RTN4R: variants seen among roughly 807,000 people sequenced by gnomAD.
RTN4R encodes the protein reticulon 4 receptor.
Under a neutral mutation model 27.7 loss-of-function variants are expected in RTN4R, and 4 were observed. That is an observed-to-expected ratio of 0.14 (90% CI 0.07 to 0.33). The LOEUF (loss-of-function observed/expected upper bound fraction) is 0.33, where lower values mean the gene tolerates loss of function less well. Among genes scored for constraint, RTN4R ranks in the 10% least tolerant of loss-of-function variants. The pLI, the probability that RTN4R is intolerant of heterozygous loss-of-function variation, is 1.00. For missense variants in RTN4R, 554 were observed against 671.5 expected (o/e 0.83, Z 1.93); for synonymous variants, 290 against 305.6 (o/e 0.95, Z 0.53).
At chr22:20,267,410 G>A (rs2051284366) in intron 1 of RTN4R, among the ~76,000 whole-genome samples, 1 of 152,186 alleles carries the variant, frequency 6.6e-6, no homozygotes. Flanking sequence ...GGAGTCCCAC[G>A]AGGGCTGCTA....
chr22:20,267,945 T>C (rs562065531), intron 1 of RTN4R, 126 bp downstream of exon 1: 129 of 503,674 alleles, frequency 2.6e-4, no homozygotes, highest in African/African-American at 2.3e-3. Context: ...TGGCTTTCCC[T>C]GCCGCCCGGC....
Position 20,241,507 on chromosome 22 carries a change from G to A in RTN4R, c.*204C>T, listed in dbSNP as rs2051105140. 3 of 601,606 alleles carry A rather than the reference G, an allele frequency of 5.0e-6. No individual in the cohort carries two copies. Among genetic ancestry groups the A allele is most frequent in the Non-Finnish European group, 8.9e-6 (3 of 337,900 alleles). The allele number at this position is 601,606 out of a possible 1,614,324, so 37.3% of individuals were successfully genotyped here. On this transcript the variant is annotated 3_prime_UTR_variant, in exon 2 of 2. Coordinates refer to ENST00000043402, the MANE Select transcript of RTN4R (RefSeq NM_023004.6). Reference sequence around the variant, plus strand: ...CTATATACCGCGATCTGGGTGGGAGGCGGCGTTCTGGAACAAACGCTGCCG... The same window carrying A: ...CTATATACCGCGATCTGGGTGGGAGACGGCGTTCTGGAACAAACGCTGCCG...
Position 20,241,710 on chromosome 22 carries a change from G to T in RTN4R, c.*1C>A, listed in dbSNP as rs1178578708. ...GAGCACGCTCTTGTGTCCGCTGGGGGTCAGCAGGGCCCAAGCACTGTCCAC... is the reference window on the plus strand; with the variant it reads ...GAGCACGCTCTTGTGTCCGCTGGGGTTCAGCAGGGCCCAAGCACTGTCCAC... On this transcript the variant is annotated 3_prime_UTR_variant, in exon 2 of 2. Coordinates refer to ENST00000043402, the MANE Select transcript of RTN4R (RefSeq NM_023004.6). 4 of 1,549,546 alleles carry T rather than the reference G, an allele frequency of 2.6e-6. No homozygotes were observed. In the Admixed American group the frequency reaches 7.8e-5, roughly 30 times the overall value.
Position 20,264,240 on chromosome 22 carries a change from T to C in RTN4R, c.22+3831A>G, listed in dbSNP as rs2051264487. 2.0e-5 allele frequency among the ~76,000 whole-genome samples: 3 copies of C among 152,306 alleles called. No individual in the cohort carries two copies. The South Asian group carries it at 6.2e-4, about 32-fold the overall frequency. On this transcript the variant is annotated intron_variant, in intron 1 of 1. Transcript: ENST00000043402. ...GCAGGTTTGGATAAATAAATGATGGTGCATTCTCAGGAAGGGATTCCACAC... is the reference window on the plus strand; with the variant it reads ...GCAGGTTTGGATAAATAAATGATGGCGCATTCTCAGGAAGGGATTCCACAC...
rs1478431874 is a variant in RTN4R at position 20,242,290 on chromosome 22, G to A, written c.843C>T (p.Ser281=). 1.9e-6 allele frequency: 3 copies of A among 1,602,338 alleles called. No individual in the cohort carries two copies. The highest frequency in any genetic ancestry group is 1.7e-5 in the Admixed American group (1 of 57,720). ...LWAWLQKFRG[S]SSEVPCSLPQ... The stretch of plus-strand genomic sequence containing the variant: ...GGAGGCTGCAGGGCACCTCGGAGGA[G>A]GAGCCGCGGAACTTCTGCAGCCAGG... Residue 281 remains serine, a synonymous_variant, in exon 2 of 2, where the codon TCC becomes TCT. Coordinates refer to ENST00000043402, the MANE Select transcript of RTN4R (RefSeq NM_023004.6).
At chr22:20,262,930 AG>A in intron 1 of RTN4R, among the ~76,000 whole-genome samples, 1 of 152,200 alleles carries the variant, frequency 6.6e-6, no homozygotes. Flanking sequence ...CAGGCAAGCA[AG>A]GGACAATCCA....
chr22:20,244,082 T>G (rs1250213009), intron 1 of RTN4R, among the ~76,000 whole-genome samples: 1 of 152,248 alleles, frequency 6.6e-6, no homozygotes, highest in African/African-American at 2.4e-5. Context: ...AGATTCTTTC[T>G]GCCTTCAGCA....
chr22:20,267,718 C>A (rs1436493571), intron 1 of RTN4R: 1 of 432,634 alleles, frequency 2.3e-6, no homozygotes, highest in Admixed American at 2.7e-5. Flanking sequence ...CGCTCGTTAA[C>A]CCCTTGGTGG....
At chr22:20,258,462 C>T (rs2051225148) in intron 1 of RTN4R, among the ~76,000 whole-genome samples, 1 of 152,252 alleles carries the variant, frequency 6.6e-6, no homozygotes, top group South Asian at 2.1e-4. Context: ...AAGCTCCTGC[C>T]CATGGAGTAC....
At chr22:20,261,465 T>G (rs2051246193) in intron 1 of RTN4R, among the ~76,000 whole-genome samples, 1 of 152,224 alleles carries the variant, frequency 6.6e-6, no homozygotes, top group Admixed American at 6.5e-5. Context: ...GGCCGGGTCC[T>G]GTGGGCAGTG....
At chr22:20,243,169 G>A (rs2051119741) in intron 1 of RTN4R, 59 bp from the exon 2 acceptor site, 1 of 1,549,956 alleles carries the variant, frequency 6.5e-7, no homozygotes, top group Admixed American at 1.8e-5. Context: ...GAAGCTGGAG[G>A]TTTTGCTAGA....
intron 1 of RTN4R, among the ~76,000 whole-genome samples, chr22:20,244,511 T>G (rs754063241): frequency 1.3e-5 from 2 of 152,144 alleles, no homozygotes; most frequent in African/African-American, 2.4e-5. Context: ...CCAAACCCCC[T>G]GCCCCAGGGC....
intron 1 of RTN4R, among the ~76,000 whole-genome samples, chr22:20,249,915 CA>C (rs1156963002): frequency 6.6e-6 from 1 of 152,214 alleles, no homozygotes; most frequent in Admixed American, 6.5e-5. Context: ...GTCAGCAGAA[CA>C]GCAGCTGGAC....
At chr22:20,247,505 G>A (rs1026677206) in intron 1 of RTN4R, among the ~76,000 whole-genome samples, 7 of 106,248 alleles carry the variant, frequency 6.6e-5, no homozygotes, top group African/African-American at 2.3e-4. Flanking sequence ...CCCGATCCTC[G>A]CTTGCTTCTC....
chr22:20,259,152 G>A (rs368366280), intron 1 of RTN4R, among the ~76,000 whole-genome samples: 8 of 152,230 alleles, frequency 5.3e-5, no homozygotes, highest in African/African-American at 1.7e-4. Context: ...GGAGGTTGGT[G>A]CCCCACCCAT....
intron 1 of RTN4R, 193 bp from the exon 2 acceptor site, chr22:20,243,303 C>T: frequency 1.5e-6 from 1 of 689,240 alleles, no homozygotes; most frequent in South Asian, 1.6e-5. Context: ...CGATGCTGGG[C>T]TAGAACATGC....
At chr22:20,262,552 C>T (rs1269845096) in intron 1 of RTN4R, among the ~76,000 whole-genome samples, 2 of 152,208 alleles carry the variant, frequency 1.3e-5, no homozygotes, top group African/African-American at 4.8e-5. Flanking sequence ...CTGCTGTGTG[C>T]AGGGGCTGCT....
At chr22:20,249,674 C>T (rs1026373198) in intron 1 of RTN4R, among the ~76,000 whole-genome samples, 4 of 152,182 alleles carry the variant, frequency 2.6e-5, no homozygotes, top group South Asian at 2.1e-4. Flanking sequence ...TGCTGGGATG[C>T]GAGCCCCTCC....
chr22:20,248,460 G>A lies in RTN4R; in HGVS notation c.23-5350C>T, dbSNP rs1406213848. 2.6e-5 allele frequency among the ~76,000 whole-genome samples: 4 copies of A among 152,280 alleles called. No individual in the cohort carries two copies. In the East Asian group the frequency reaches 7.7e-4, roughly 29 times the overall value. On this transcript the variant is annotated intron_variant, in intron 1 of 1. Coordinates refer to ENST00000043402, the MANE Select transcript of RTN4R (RefSeq NM_023004.6). ...ACTGAAGCTAGCAGAGGATGGCCTG[G>A]CCCAGGTGAGAGCTGGCAGCCCTGG...
Sources: gnomAD v4.1 joint callset for allele counts (sites outside exome capture counted in the v4.1 genomes callset) on GRCh38, gnomAD v4.1.1 for gene constraint, MANE v1.5 for transcripts, NCBI Gene and HGNC (gene_info 2026-07-23, HGNC 2026-07-21) for gene names.